Variants in ZNF638 observed in about 807,000 individuals in gnomAD.
The protein encoded by ZNF638 is CTCL tumor antigen se33-1.
Under a neutral mutation model 195.6 loss-of-function variants are expected in ZNF638, and 46 were observed. The ratio of observed to expected loss-of-function variants is 0.24; its 90% CI spans 0.19 to 0.30. ZNF638 has a LOEUF of 0.30. Among genes scored for constraint, ZNF638 ranks in the 10% least tolerant of loss-of-function variants. The pLI, the probability that ZNF638 is intolerant of heterozygous loss-of-function variation, is 1.00. For missense variants in ZNF638, 2,440 were observed against 2,325.3 expected, an observed-to-expected ratio of 1.05 and a Z score of -1.01; for synonymous variants, 845 against 772.0, an observed-to-expected ratio of 1.09 and a Z score of -1.57.
intron 23 of ZNF638, among the ~76,000 whole-genome samples, chr2:71,425,765 G>C (rs1468973001): frequency 6.6e-6 from 1 of 151,988 alleles, no homozygotes; most frequent in Non-Finnish European, 1.5e-5. Flanking sequence ...TGCCTCCCAG[G>C]TTCAAGTGTT....
At chr2:71,433,461 C>G in intron 27 of ZNF638, 178 bp downstream of exon 27, 2 of 548,528 alleles carry the variant, frequency 3.6e-6, no homozygotes, top group Non-Finnish European at 6.5e-6. Context: ...GTCCTTATTC[C>G]TTTTCCTTGA....
chr2:71,350,981 A>G (rs1183095174), intron 2 of ZNF638, among the ~76,000 whole-genome samples: 1 of 152,218 alleles, frequency 6.6e-6, no homozygotes, highest in East Asian at 1.9e-4. Context: ...GAAGTGTACT[A>G]TAATGTAGAA....
At chr2:71,364,310 C>G in intron 5 of ZNF638, 58 bp downstream of exon 5, 1 of 1,508,204 alleles carries the variant, frequency 6.6e-7, no homozygotes, top group East Asian at 2.3e-5. Context: ...TTTTAAATGT[C>G]TTTCTTTTTG....
chr2:71,417,212 A>C (rs1419448220), intron 20 of ZNF638, among the ~76,000 whole-genome samples: 1 of 151,620 alleles, frequency 6.6e-6, no homozygotes. Context: ...TGAAAAGCGC[A>C]ATATTCGGGT....
intron 10 of ZNF638, among the ~76,000 whole-genome samples, chr2:71,390,311 G>GC (rs2079746463): frequency 6.6e-6 from 1 of 152,148 alleles, no homozygotes; most frequent in Non-Finnish European, 1.5e-5. Context: ...CTCTGGGAGC[G>GC]CAGGATTGGG....
chr2:71,420,276 A>T (rs978107097), intron 21 of ZNF638, among the ~76,000 whole-genome samples: 9 of 151,960 alleles, frequency 5.9e-5, no homozygotes, highest in African/African-American at 2.2e-4. Context: ...TTTTGTTTAT[A>T]ACTAAACTAT....
intron 12 of ZNF638, 61 bp downstream of exon 12, chr2:71,398,833 A>G (rs1432849150): frequency 5.6e-6 from 8 of 1,432,926 alleles, no homozygotes; most frequent in East Asian, 4.6e-5. Flanking sequence ...TTAAATTCGT[A>G]TAATAATTTT....
chr2:71,371,662 C>G (rs2079315792), intron 8 of ZNF638, among the ~76,000 whole-genome samples: 2 of 149,280 alleles, frequency 1.3e-5, no homozygotes, highest in South Asian at 4.3e-4. Flanking sequence ...AGAAATGTTT[C>G]TTCAGATCTT....
intron 25 of ZNF638, among the ~76,000 whole-genome samples, chr2:71,430,181 ATTTAT>A (rs1349062509): frequency 6.6e-6 from 1 of 151,956 alleles, no homozygotes; most frequent in Non-Finnish European, 1.5e-5. Flanking sequence ...AACTTAAATC[ATTTAT>A]TTTAATCTAT....
At chr2:71,387,043 A>G (rs1356118155) in intron 10 of ZNF638, among the ~76,000 whole-genome samples, 1 of 152,074 alleles carries the variant, frequency 6.6e-6, no homozygotes, top group Non-Finnish European at 1.5e-5. Flanking sequence ...CACTAAGTAT[A>G]AAGAATAATA....
intron 14 of ZNF638, 76 bp from the exon 15 acceptor site, chr2:71,400,402 T>C (rs1310311119): frequency 3.6e-5 from 50 of 1,392,218 alleles, no homozygotes; most frequent in East Asian, 9.2e-5. Flanking sequence ...ATGTAGCTAC[T>C]GTTTAACCTA....
At position 71,349,071 on chromosome 2, in the gene ZNF638, C is replaced by T. The variant is rs780615135; in HGVS notation, c.117C>T (p.Leu39=). 9 of 1,614,178 alleles carry T rather than the reference C, an allele frequency of 5.6e-6. No individual in the cohort carries two copies. The highest frequency in any genetic ancestry group is 7.6e-6 in the Non-Finnish European group (9 of 1,180,040). ...TTATGAGGCCTGGATCTATGGGTCT[C>T]CCAAGATTTTACCCAGCAGGGAGAG... is the stretch of plus-strand genomic sequence containing the variant. ...GPFMRPGSMG[L]PRFYPAGRAR... The change falls in exon 2 of 28, where the codon CTC becomes CTT. Residue 39 remains leucine, a synonymous_variant. Transcript: ENST00000264447.
At chr2:71,369,815 C>T in intron 7 of ZNF638, 68 bp from the exon 8 acceptor site, 3 of 1,462,698 alleles carry the variant, frequency 2.1e-6, no homozygotes, top group Non-Finnish European at 2.8e-6. Context: ...AAGGATTAAG[C>T]CCATTTTAAA....
chr2:71,398,980 T>G (rs936213549), intron 12 of ZNF638, among the ~76,000 whole-genome samples: 1 of 152,186 alleles, frequency 6.6e-6, no homozygotes, highest in Non-Finnish European at 1.5e-5. Flanking sequence ...TATAAAGCTA[T>G]ATAACTGTAC....
At chr2:71,410,563 ATTAGAATACCATGATGAACATTGT>A (rs1451843140) in intron 20 of ZNF638, among the ~76,000 whole-genome samples, 1 of 152,156 alleles carries the variant, frequency 6.6e-6, no homozygotes, top group African/African-American at 2.4e-5. Context: ...TATTTTAGGT[ATTAGAATACCATGATGAACATTGT>A]TTCAATGTCC....
intron 8 of ZNF638, among the ~76,000 whole-genome samples, chr2:71,378,626 A>G (rs1481610294): frequency 6.6e-6 from 1 of 152,210 alleles, no homozygotes; most frequent in Non-Finnish European, 1.5e-5. Context: ...ATGCATATGT[A>G]TTATGTTTGT....
chr2:71,417,447 C>T (rs2080323021), intron 20 of ZNF638, among the ~76,000 whole-genome samples: 1 of 152,124 alleles, frequency 6.6e-6, no homozygotes, highest in African/African-American at 2.4e-5. Flanking sequence ...CTGCGTCGCT[C>T]ACGCTGGGAG....
intron 10 of ZNF638, chr2:71,395,305 C>A: frequency 1.4e-6 from 1 of 717,102 alleles, no homozygotes; most frequent in Non-Finnish European, 2.6e-6. Context: ...CTGCTGTGCA[C>A]ATCTGTACTC....
At chr2:71,430,425 A>C (rs1235933521) in intron 25 of ZNF638, among the ~76,000 whole-genome samples, 2 of 152,156 alleles carry the variant, frequency 1.3e-5, no homozygotes, top group African/African-American at 4.8e-5. Context: ...AGTGTGAGGA[A>C]TAAGAGTAAG....
Sources: allele counts gnomAD v4.1 joint callset (sites outside exome capture counted in the v4.1 genomes callset), GRCh38; gene constraint gnomAD v4.1.1; transcripts MANE v1.5; gene names NCBI Gene and HGNC (gene_info 2026-07-23, HGNC 2026-07-21).